ANKH: variants seen among roughly 807,000 people sequenced by gnomAD.
ANKH encodes mineralization regulator ANKH.
Under a neutral mutation model 49.0 loss-of-function variants are expected in ANKH, and 15 were observed. That is an observed-to-expected ratio of 0.31 (90% confidence interval 0.20 to 0.47). The LOEUF is 0.47. Ranked by LOEUF, ANKH falls within the 20% of genes least tolerant of loss-of-function variation. The pLI is 1.00. For synonymous variants in ANKH, 273 were observed against 260.0 expected, an observed-to-expected ratio of 1.05 and a Z score of -0.48; for missense variants, 429 against 652.0, an observed-to-expected ratio of 0.66 and a Z score of 3.72.
intron 4 of ANKH, among the ~76,000 whole-genome samples, chr5:14,753,364 C>T (rs566190416): frequency 3.3e-5 from 5 of 152,084 alleles, no homozygotes; most frequent in East Asian, 1.9e-4. Flanking sequence ...AGAAGCACCG[C>T]GCAATTGGAG....
At chr5:14,856,644 T>G (rs1166070919) in intron 1 of ANKH, among the ~76,000 whole-genome samples, 1 of 152,046 alleles carries the variant, frequency 6.6e-6, no homozygotes, top group African/African-American at 2.4e-5. Context: ...CGATACAGAC[T>G]CGAAATAACA....
intron 1 of ANKH, among the ~76,000 whole-genome samples, chr5:14,867,524 T>C (rs961448990): frequency 1.3e-5 from 2 of 152,200 alleles, no homozygotes; most frequent in Non-Finnish European, 2.9e-5. Context: ...TAAACGTTTC[T>C]TCAGTTTCTG....
In ANKH at chr5:14,793,033, TAA is replaced by T. The variant is rs71307307; in HGVS notation, c.97-23844_97-23843del. Among the ~76,000 whole-genome samples the T allele has an allele frequency of 3.5e-3, 241 of 68,738 alleles. 2 individuals carry two copies. Among genetic ancestry groups the T allele is most frequent in the African/African-American group, 0.013 (222 of 16,554 alleles). 45.1% of individuals were successfully genotyped at this position (68,738 alleles called of 152,430 possible). A position where few individuals can be genotyped will look rare whatever the true frequency, so the allele number is the denominator to read the frequency against. On this transcript the variant is annotated intron_variant, in intron 1 of 11. Transcript: ENST00000284268. ...ATATATATATATAAATATATATATA[TAA>T]AAATATATATATAAATATATATAAA...
chr5:14,822,216 G>C (rs1284622432), intron 1 of ANKH, among the ~76,000 whole-genome samples: 1 of 152,140 alleles, frequency 6.6e-6, no homozygotes, highest in African/African-American at 2.4e-5. Flanking sequence ...ACTTAGTACA[G>C]AAAAAGAAGG....
Position 14,871,323 on chromosome 5 carries a change from C to T in ANKH, c.96+29G>A, listed in dbSNP as rs375828518. On this transcript the variant is annotated intron_variant, in intron 1 of 11. Transcript: ENST00000284268. ...GCGTGTAAGGCCAAGGCAGGGCGAG[C>T]GGGCGTGGGGCGCGGGGCCGGGGCT... 74 of 1,595,320 alleles carry T rather than the reference C, an allele frequency of 4.6e-5. No homozygotes were observed. In the African/African-American group the frequency reaches 9.4e-4, roughly 20 times the overall value.
chr5:14,807,191 TGA>T (rs1740734071), intron 1 of ANKH, among the ~76,000 whole-genome samples: 1 of 151,606 alleles, frequency 6.6e-6, no homozygotes, highest in Non-Finnish European at 1.5e-5. Context: ...CTCAGCTCAT[TGA>T]AACCTCCACC....
chr5:14,757,430 A>ATATATATATTTTTTTTTT (rs1379233165), intron 3 of ANKH, among the ~76,000 whole-genome samples: 21 of 113,774 alleles, frequency 1.8e-4, no homozygotes, highest in African/African-American at 6.6e-4. Flanking sequence ...ATATATATAT[A>ATATATATATTTTTTTTTT]TTTTTTTTTT....
chr5:14,867,155 CAA>C (rs774841903), intron 1 of ANKH, among the ~76,000 whole-genome samples: 1,200 of 69,236 alleles, frequency 0.017, 5 homozygotes, highest in African/African-American at 0.037. Flanking sequence ...GACTCAGTCT[CAA>C]AAAAAAAAAA....
chr5:14,755,832 G>C (rs748492082), intron 4 of ANKH, 29 bp downstream of exon 4: 60 of 1,598,662 alleles, frequency 3.8e-5, no homozygotes, highest in Non-Finnish European at 4.8e-5. Context: ...ACTCTGAGGA[G>C]CTCTGATTGA....
chr5:14,822,712 T>C (rs556533469), intron 1 of ANKH, among the ~76,000 whole-genome samples: 2 of 152,334 alleles, frequency 1.3e-5, no homozygotes, highest in South Asian at 4.1e-4. Flanking sequence ...ACCACATTTG[T>C]CCTTTTCTTA....
At position 14,745,477 on chromosome 5, in the gene ANKH, A is replaced by G. The variant is rs1414841581; in HGVS notation, c.915+393T>C. ...CCAGCCCACAGAAAGACAGCCACGC[A>G]CGGCTTCCTGCCTACACCTTAGCCA... On this transcript the variant is annotated intron_variant, in intron 7 of 11. Transcript: ENST00000284268. This position sits in a 1 kb window ranked among gnomAD's most constrained non-coding sequence, Gnocchi z 4.7. Among the ~76,000 whole-genome samples the G allele has an allele frequency of 6.6e-6, 1 of 152,180 alleles. No homozygotes were observed. Among genetic ancestry groups the G allele is most frequent in the Non-Finnish European group, 1.5e-5 (1 of 68,040 alleles).
At chr5:14,749,093 A>G (rs1394396215) in intron 6 of ANKH, 79 bp downstream of exon 6, 3 of 1,591,944 alleles carry the variant, frequency 1.9e-6, no homozygotes, top group East Asian at 2.2e-5. Context: ...AGCTCTCGAG[A>G]AGAACTGGAA....
At chr5:14,829,054 G>A (rs1741428487) in intron 1 of ANKH, among the ~76,000 whole-genome samples, 1 of 151,792 alleles carries the variant, frequency 6.6e-6, no homozygotes, top group Non-Finnish European at 1.5e-5. Flanking sequence ...CGTGGTGGTG[G>A]GCACCTGTAA....
chr5:14,867,714 C>T (rs556583255), intron 1 of ANKH, among the ~76,000 whole-genome samples: 73 of 152,270 alleles, frequency 4.8e-4, no homozygotes, highest in African/African-American at 1.6e-3. Context: ...CACCCGCCAC[C>T]GCGCCTGGCT....
At chr5:14,720,811 A>G (rs1366032032) in intron 8 of ANKH, among the ~76,000 whole-genome samples, 1 of 152,258 alleles carries the variant, frequency 6.6e-6, no homozygotes, top group Non-Finnish European at 1.5e-5. Context: ...TGCCTCACAC[A>G]AATGTTGCAA....
intron 1 of ANKH, among the ~76,000 whole-genome samples, chr5:14,859,260 A>G (rs1339050921): frequency 2.1e-4 from 32 of 152,208 alleles, no homozygotes; most frequent in Non-Finnish European, 8.8e-5. Flanking sequence ...AATGCAATCA[A>G]CCATAAGACA....
chr5:14,764,250 ATTTGT>A (rs1484823379), intron 2 of ANKH, among the ~76,000 whole-genome samples: 4 of 151,814 alleles, frequency 2.6e-5, no homozygotes, highest in Non-Finnish European at 5.9e-5. Flanking sequence ...CTGGCCAGTG[ATTTGT>A]TTTGGTCAGT....
chr5:14,851,466 G>A (rs1305166806), intron 1 of ANKH, among the ~76,000 whole-genome samples: 1 of 152,232 alleles, frequency 6.6e-6, no homozygotes, highest in East Asian at 1.9e-4. Context: ...CCCAGTGCCT[G>A]TGGATTGTGG....
In ANKH at chr5:14,711,243, G is replaced by T. The variant is rs762096336; in HGVS notation, c.1433C>A (p.Thr478Lys). The change falls in exon 12 of 12, where the codon ACA becomes AAA. Residue 478 changes from threonine to lysine, a missense_variant. By Grantham distance (78) the Thr-to-Lys change is moderately conservative. Around this residue, in one of 2 missense-constraint regions of ANKH, gnomAD observed 51 missense variants for 36.7 expected, o/e 1.39. Coordinates refer to ENST00000284268, the MANE Select transcript of ANKH (RefSeq NM_054027.6). ...EDSAMTDMPP[T>K]EEVTDIVEMR... Reference sequence around the variant, plus strand: ...TTCCACGATGTCTGTCACCTCCTCTGTCGGAGGCATGTCTGTCATGGCAGA... The same window carrying T: ...TTCCACGATGTCTGTCACCTCCTCTTTCGGAGGCATGTCTGTCATGGCAGA... 6.2e-6 allele frequency: 10 copies of T among 1,614,068 alleles called. No individual in the cohort carries two copies. Among genetic ancestry groups the T allele is most frequent in the Non-Finnish European group, 7.6e-6 (9 of 1,179,998 alleles).
Sources: gnomAD v4.1 joint callset for allele counts (sites outside exome capture counted in the v4.1 genomes callset) on GRCh38, gnomAD v4.1.1 for gene constraint, gnomAD v4.1.1 regional missense constraint, Gnocchi (gnomAD v3.1) non-coding constraint, MANE v1.5 for transcripts, NCBI Gene and HGNC (gene_info 2026-07-23, HGNC 2026-07-21) for gene names.